Variants in XYLT2 observed in about 807,000 individuals in gnomAD.
The protein encoded by XYLT2 is UDP-D-xylose:proteoglycan core protein beta-D-xylosyltransferase.
A neutral mutation model predicts 82.6 loss-of-function variants in XYLT2; 37 were observed. That is an observed-to-expected ratio of 0.45 (90% CI 0.34 to 0.59). The LOEUF is 0.59. Among genes scored for constraint, XYLT2 ranks in the 20% least tolerant of loss-of-function variants. The probability of loss-of-function intolerance (pLI) is 0.01; values close to 1 mark genes in which losing one functional copy is unlikely to be tolerated. For missense variants in XYLT2, 934 were observed against 1,181.3 expected, an observed-to-expected ratio of 0.79 and a Z score of 3.07; for synonymous variants, 474 against 499.0, an observed-to-expected ratio of 0.95 and a Z score of 0.67.
chr17:50,356,787 C>T lies in XYLT2; in HGVS notation c.1745+14C>T. ...CCCACTCTGCAGGTGAGACCCCCTTCTGACATACAGCAGGCCCTTGGGGTG... is the reference window on the plus strand; with the variant it reads ...CCCACTCTGCAGGTGAGACCCCCTTTTGACATACAGCAGGCCCTTGGGGTG... On this transcript the variant is annotated intron_variant, in intron 8 of 10. Coordinates refer to ENST00000017003, the MANE Select transcript of XYLT2 (RefSeq NM_022167.4). 1 of 1,595,606 alleles carries T rather than the reference C, an allele frequency of 6.3e-7. No individual in the cohort carries two copies. Among genetic ancestry groups the T allele is most frequent in the South Asian group, 1.1e-5 (1 of 90,514 alleles).
At chr17:50,353,246 T>C (rs1412408902) in intron 1 of XYLT2, among the ~76,000 whole-genome samples, 1 of 151,944 alleles carries the variant, frequency 6.6e-6, no homozygotes, top group Non-Finnish European at 1.5e-5. Context: ...TGCTGGGTCT[T>C]AGGTGGACAC....
Position 50,361,107 on chromosome 17 carries a change from G to A in XYLT2, c.*816G>A, listed in dbSNP as rs1417912365. ...AGTAATTGTGCCTGAAGCTCAGCGT[G>A]AAGTCTGAAATATGCAACAGAAGAA... On this transcript the variant is annotated 3_prime_UTR_variant, in exon 11 of 11. Transcript: ENST00000017003. The A allele has an allele frequency of 1.0e-6, 1 of 985,788 alleles. No homozygotes were observed. Among genetic ancestry groups the A allele is most frequent in the Admixed American group, 6.1e-5 (1 of 16,270 alleles). The allele number at this position is 985,788 out of a possible 1,614,324, so 61.1% of individuals were successfully genotyped here.
In XYLT2 at chr17:50,360,966, A is replaced by G. The variant is rs534511885; in HGVS notation, c.*675A>G. ...CCAGCATACCCTGCCCCTGGATGGG[A>G]AAGGCAGGGTCAGGGCCCACTGAGA... On this transcript the variant is annotated 3_prime_UTR_variant, in exon 11 of 11. Coordinates refer to ENST00000017003, the MANE Select transcript of XYLT2 (RefSeq NM_022167.4). 1.8e-5 allele frequency: 18 copies of G among 985,746 alleles called. No homozygotes were observed. The South Asian group carries it at 7.0e-4, about 39-fold the overall frequency. 61.1% of individuals were successfully genotyped at this position (985,746 alleles called of 1,614,324 possible).
rs1023487128 is a variant in XYLT2 at position 50,361,161 on chromosome 17, C to T, written c.*870C>T. On this transcript the variant is annotated 3_prime_UTR_variant, in exon 11 of 11. Transcript: ENST00000017003. ...TATCTCTATCTCTCTACTCTGGGCT[C>T]TGTGTTTTTCCTCCTGGGTGTCAGG... is the stretch of plus-strand genomic sequence containing the variant. The T allele has an allele frequency of 1.0e-6, 1 of 985,498 alleles. No homozygotes were observed. The highest frequency in any genetic ancestry group is 1.2e-6 in the Non-Finnish European group (1 of 829,702). The allele number at this position is 985,498 out of a possible 1,614,324, so 61.0% of individuals were successfully genotyped here. A position where few individuals can be genotyped will look rare whatever the true frequency, so the allele number is the denominator to read the frequency against.
At position 50,354,599 on chromosome 17, in the gene XYLT2, G is replaced by C. The variant is rs760989319; in HGVS notation, c.804+16G>C. On this transcript the variant is annotated intron_variant, in intron 3 of 10. Coordinates refer to ENST00000017003, the MANE Select transcript of XYLT2 (RefSeq NM_022167.4). ...TGTGGACAAGGTACTGTGGTGGGGA[G>C]AGGCCAAGGGGTCTGGGATGAGCAG... 6.3e-7 allele frequency: 1 copy of C among 1,596,386 alleles called. No individual in the cohort carries two copies. The highest frequency in any genetic ancestry group is 8.5e-7 in the Non-Finnish European group (1 of 1,170,782).
At position 50,360,348 on chromosome 17, in the gene XYLT2, G is replaced by C; in HGVS notation, c.*57G>C. On this transcript the variant is annotated 3_prime_UTR_variant, in exon 11 of 11. Coordinates refer to ENST00000017003, the MANE Select transcript of XYLT2 (RefSeq NM_022167.4). ...GGGAAATTGCACCTTACAGACAGTG[G>C]AGGGGTGTCCCCTCCCACAGGCAAG... 6.8e-7 allele frequency: 1 copy of C among 1,478,006 alleles called. No homozygotes were observed. Among genetic ancestry groups the C allele is most frequent in the Non-Finnish European group, 9.0e-7 (1 of 1,113,262 alleles). The allele number at this position is 1,478,006 out of a possible 1,614,324, so 91.6% of individuals were successfully genotyped here.
chr17:50,360,135 G>A lies in XYLT2; in HGVS notation c.2442G>A (p.Arg814=), dbSNP rs939876747. 2 of 1,613,938 alleles carry A rather than the reference G, an allele frequency of 1.2e-6. No individual in the cohort carries two copies. The highest frequency in any genetic ancestry group is 8.5e-7 in the Non-Finnish European group (1 of 1,179,998). Residue 814 remains arginine, a synonymous_variant, in exon 11 of 11, where the codon AGG becomes AGA. Transcript: ENST00000017003. ...TGPALEAWTD[R]ELSSFWSVAG... ...CTGCGCTCGAGGCCTGGACAGACAGGGAACTGAGCAGCTTCTGGTCCGTGG... is the reference window on the plus strand; with the variant it reads ...CTGCGCTCGAGGCCTGGACAGACAGAGAACTGAGCAGCTTCTGGTCCGTGG...
chr17:50,351,986 T>TA (rs926914240), intron 1 of XYLT2, among the ~76,000 whole-genome samples: 2 of 151,896 alleles, frequency 1.3e-5, no homozygotes, highest in Admixed American at 1.3e-4. Context: ...AAGAAGACCA[T>TA]AAGGAGTGGC....
rs759845603 is a variant in XYLT2, at chr17:50,360,423, A to G, written c.*132A>G. The G allele has an allele frequency of 1.4e-6, 2 of 1,431,278 alleles. No individual in the cohort carries two copies. Among genetic ancestry groups the G allele is most frequent in the Non-Finnish European group, 1.8e-6 (2 of 1,095,984 alleles). The allele number at this position is 1,431,278 out of a possible 1,614,324, so 88.7% of individuals were successfully genotyped here. ...CATTTCAGCCATCAAGAACCCACAC[A>G]GACGGCAGGGAAGGTGGACACAGTA... On this transcript the variant is annotated 3_prime_UTR_variant, in exon 11 of 11. Coordinates refer to ENST00000017003, the MANE Select transcript of XYLT2 (RefSeq NM_022167.4).
At chr17:50,350,069 G>A (rs1912193397) in intron 1 of XYLT2, among the ~76,000 whole-genome samples, 1 of 148,482 alleles carries the variant, frequency 6.7e-6, no homozygotes, top group South Asian at 2.1e-4. Context: ...TGTAATCCCA[G>A]CTACTTGGGA....
chr17:50,352,372 G>A (rs1357139414), intron 1 of XYLT2, among the ~76,000 whole-genome samples: 2 of 152,198 alleles, frequency 1.3e-5, no homozygotes, highest in African/African-American at 4.8e-5. Flanking sequence ...CACCAGCTAG[G>A]TGTCCGTGTG....
At chr17:50,356,432 G>C in intron 7 of XYLT2, 79 bp from the exon 8 acceptor site, 1 of 1,576,136 alleles carries the variant, frequency 6.3e-7, no homozygotes, top group Non-Finnish European at 8.6e-7. Flanking sequence ...CTGAGCTCTA[G>C]GCAGTGCTGA....
chr17:50,353,933 G>T lies in XYLT2; in HGVS notation c.439G>T (p.Val147Leu). The part of the protein sequence containing the change: ...GFPPHGDTGS[V>L]EGAPQPTDNG... ...CCCACCACACGGAGATACAGGGAGC[G>T]TGGAGGGCGCCCCCCAGCCCACGGA... The change falls in exon 2 of 11, where the codon GTG (valine) becomes TTG (leucine). Residue 147 changes from valine to leucine, a missense_variant. Val to Leu is a conservative substitution (Grantham distance 32, BLOSUM62 1). Around this residue, in one of 3 missense-constraint regions of XYLT2, gnomAD observed 371 missense variants for 394.9 expected, o/e 0.94. Coordinates refer to ENST00000017003, the MANE Select transcript of XYLT2 (RefSeq NM_022167.4). 1.2e-6 allele frequency: 2 copies of T among 1,607,672 alleles called. No homozygotes were observed. The highest frequency in any genetic ancestry group is 1.7e-6 in the Non-Finnish European group (2 of 1,179,848).
Position 50,358,474 on chromosome 17 carries a change from C to T in XYLT2, c.2209C>T (p.Pro737Ser). ...TGTTCGACTCCTTCAGTTCTGGGAA[C>T]CGCTGGGTGAGACCCGCTTCCTTGT... ...WTVRLLQFWE[P>S]LGETRFLVLP... is the part of the protein sequence containing the mutation. Residue 737 changes from proline to serine, a missense_variant, in exon 10 of 11, where the codon CCG becomes TCG. Physicochemically the swap from Pro to Ser is moderately conservative, Grantham distance 74. This residue lies in a region of XYLT2 where 374 missense variants were observed against 465.6 expected (regional missense o/e 0.80). Coordinates refer to ENST00000017003, the MANE Select transcript of XYLT2 (RefSeq NM_022167.4). The T allele has an allele frequency of 6.2e-7, 1 of 1,614,212 alleles. No homozygotes were observed. Among genetic ancestry groups the T allele is most frequent in the Non-Finnish European group, 8.5e-7 (1 of 1,180,050 alleles).
intron 1 of XYLT2, 143 bp from the exon 2 acceptor site, chr17:50,353,487 G>T: frequency 7.7e-7 from 1 of 1,306,994 alleles, no homozygotes. Context: ...TGATTGTGCG[G>T]AGTCCTTAGG....
chr17:50,350,098 G>A lies in XYLT2; in HGVS notation c.136-3532G>A, dbSNP rs541378400. Among the ~76,000 whole-genome samples the A allele has an allele frequency of 2.8e-5, 4 of 145,054 alleles. 1 individual carries two copies. Among genetic ancestry groups the A allele is most frequent in the Non-Finnish European group, 4.6e-5 (3 of 65,840 alleles). ...CTTGGGAGGCTGAGGCACGAGAATC[G>A]CTTGAACCTGGGAGGCAAAGGTTGC... On this transcript the variant is annotated intron_variant, in intron 1 of 10. Coordinates refer to ENST00000017003, the MANE Select transcript of XYLT2 (RefSeq NM_022167.4).
Position 50,360,790 on chromosome 17 carries a change from G to A in XYLT2, c.*499G>A, listed in dbSNP as rs1003591156. 62 of 986,062 alleles carry A rather than the reference G, an allele frequency of 6.3e-5. No homozygotes were observed. Among genetic ancestry groups the A allele is most frequent in the Non-Finnish European group, 7.5e-5 (62 of 830,166 alleles). The allele number at this position is 986,062 out of a possible 1,614,324, so 61.1% of individuals were successfully genotyped here. On this transcript the variant is annotated 3_prime_UTR_variant, in exon 11 of 11. Transcript: ENST00000017003. ...CCATTCTGGGCCTGTGGTGCTCGTG[G>A]CTGAGGCTCCACAGGGCTGCAAGTG...
At position 50,356,606 on chromosome 17, in the gene XYLT2, C is replaced by CG. The variant is rs746847161; in HGVS notation, c.1578_1579insG (p.Pro527AlafsTer19). ...TGGACTTCCACCTGTATGGCAGCTACCCCCCCGGCACGCCAGCCCTCAAGG... is the reference window on the plus strand; with the variant it reads ...TGGACTTCCACCTGTATGGCAGCTACGCCCCCCGGCACGCCAGCCCTCAAGG... On this transcript the variant is annotated frameshift_variant, in exon 8 of 11. Transcript: ENST00000017003. LOFTEE classifies it high-confidence loss of function. The CG allele has an allele frequency of 6.2e-7, 1 of 1,601,262 alleles. No homozygotes were observed. The highest frequency in any genetic ancestry group is 2.2e-5 in the East Asian group (1 of 44,860).
chr17:50,348,013 G>A (rs924662649), intron 1 of XYLT2, among the ~76,000 whole-genome samples: 1 of 152,208 alleles, frequency 6.6e-6, no homozygotes, highest in Non-Finnish European at 1.5e-5. Context: ...TGATGCCTGT[G>A]AAGCACTTGC....
Sources: gnomAD v4.1 joint callset for allele counts (sites outside exome capture counted in the v4.1 genomes callset) on GRCh38, gnomAD v4.1.1 for gene constraint, gnomAD v4.1.1 regional missense constraint, MANE v1.5 for transcripts, NCBI Gene and HGNC (gene_info 2026-07-23, HGNC 2026-07-21) for gene names.